The following CPSF4L variants were observed in gnomAD, a reference collection of about 807,000 sequenced individuals.
CPSF4L encodes the protein putative cleavage and polyadenylation specificity factor subunit 4-like protein.
In CPSF4L, 18 loss-of-function variants were observed where a neutral mutation model predicts 24.0. The ratio of observed to expected loss-of-function variants is 0.75; its 90% confidence interval spans 0.52 to 1.11. The LOEUF is 1.11. CPSF4L is among the 50% of genes least tolerant of loss of function. The pLI is 0.00. For synonymous variants in CPSF4L, 72 were observed against 77.2 expected (o/e 0.93, Z 0.35); for missense variants, 211 against 221.8 (o/e 0.95, Z 0.31).
chr17:73,250,361 T>C lies in CPSF4L; in HGVS notation c.498-1825A>G, dbSNP rs77613775. ...TTGTAAATTCAGATTTCTAAAGATG[T>C]CTAGGGAACCATAGGAGATGGTTAG... On this transcript the variant is annotated intron_variant, in intron 5 of 5. Coordinates refer to ENST00000344935, the MANE Select transcript of CPSF4L (RefSeq NM_001129885.1). The C allele has an allele frequency of 1.2e-3, 1,868 of 1,546,484 alleles. 18 individuals carry two copies. The African/African-American group carries it at 0.023, about 19-fold the overall frequency.
At chr17:73,261,531 G>A (rs529272728) in intron 1 of CPSF4L, among the ~76,000 whole-genome samples, 185 bp downstream of exon 1, 2 of 152,298 alleles carry the variant, frequency 1.3e-5, no homozygotes, top group South Asian at 2.1e-4. Context: ...CGTGGTGGCG[G>A]GCGCCTGTAG....
downstream of CPSF4L, among the ~76,000 whole-genome samples, chr17:73,246,195 G>A (rs1260523928): frequency 6.6e-6 from 1 of 152,164 alleles, no homozygotes; most frequent in African/African-American, 2.4e-5. Flanking sequence ...GTGTCCTCAT[G>A]CCAAAATACA....
At chr17:73,248,146 C>G (rs1178533532), downstream of CPSF4L, 1 of 250,132 alleles carries the variant, frequency 4.0e-6, no homozygotes. Flanking sequence ...ATACATTTTT[C>G]GCTCATGTAT....
the CPSF4L span, chr17:73,243,073 C>T: frequency 9.0e-6 from 9 of 996,570 alleles, no homozygotes; most frequent in African/African-American, 1.7e-4. Flanking sequence ...AAGGGATTCT[C>T]TGAATTTTTT....
intron 1 of CPSF4L, 22 bp from the exon 2 acceptor site, chr17:73,261,005 G>C (rs2062042916): frequency 2.6e-6 from 4 of 1,547,216 alleles, no homozygotes; most frequent in Admixed American, 2.0e-5. Flanking sequence ...AGAGGGAACG[G>C]AGAAGGTAGC....
chr17:73,261,944 C>T (rs984155193), upstream of CPSF4L: 7 of 699,724 alleles, frequency 1.0e-5, no homozygotes. Context: ...GTGCCAGTGG[C>T]CAGGTGACTG....
At chr17:73,245,233 C>T (rs370847230), downstream of CPSF4L, 4 of 1,611,138 alleles carry the variant, frequency 2.5e-6, no homozygotes, top group South Asian at 1.1e-5. Context: ...CAGCAAAGGG[C>T]GTACAGTGGA....
At chr17:73,257,314 C>G (rs1281142094) in intron 3 of CPSF4L, among the ~76,000 whole-genome samples, 1 of 152,086 alleles carries the variant, frequency 6.6e-6, no homozygotes, top group South Asian at 2.1e-4. Context: ...GTGAATGTGG[C>G]TCTGAAGGCC....
downstream of CPSF4L, chr17:73,247,200 G>A (rs771583488): frequency 1.1e-5 from 18 of 1,575,352 alleles, 1 homozygote; most frequent in South Asian, 1.9e-4. Flanking sequence ...GAAACCATAT[G>A]CCCTGAAAAG....
chr17:73,248,110 T>TA (rs1371898107), downstream of CPSF4L: 2 of 215,570 alleles, frequency 9.3e-6, no homozygotes, highest in Non-Finnish European at 1.9e-5. Context: ...CAGGGTGCAA[T>TA]ACTGATGTAA....
At position 73,254,169 on chromosome 17, in the gene CPSF4L, G is replaced by C; in HGVS notation, c.308-143C>G. 3 of 661,598 alleles carry C rather than the reference G, an allele frequency of 4.5e-6. No individual in the cohort carries two copies. The South Asian group carries it at 5.4e-5, about 12-fold the overall frequency. The allele number at this position is 661,598 out of a possible 1,614,324, so 41.0% of individuals were successfully genotyped here. ...GTCACCAGCTTTTTGAAGATGGAAA[G>C]TATGCCTAATCCTTGCTGCAGTCTA... On this transcript the variant is annotated intron_variant, in intron 3 of 5. Transcript: ENST00000344935.
At chr17:73,247,711 T>C (rs1268180802), downstream of CPSF4L, 1 of 173,560 alleles carries the variant, frequency 5.8e-6, no homozygotes, top group Non-Finnish European at 1.2e-5. Flanking sequence ...AAGACAGCTT[T>C]TTTGTTTGAC....
intron 5 of CPSF4L, chr17:73,249,665 T>G (rs1435677873): frequency 6.6e-6 from 1 of 152,184 alleles, no homozygotes; most frequent in Non-Finnish European, 1.5e-5. Flanking sequence ...CCCAGTGGAT[T>G]AAGTTGCTTG....
chr17:73,258,860 C>A (rs1437397498), intron 2 of CPSF4L, among the ~76,000 whole-genome samples: 1 of 152,196 alleles, frequency 6.6e-6, no homozygotes, highest in Non-Finnish European at 1.5e-5. Flanking sequence ...GAATTCCCAT[C>A]TTTAAAAACA....
At chr17:73,251,027 C>T (rs953092824) in intron 5 of CPSF4L, 5 of 1,549,724 alleles carry the variant, frequency 3.2e-6, no homozygotes, top group East Asian at 2.4e-5. Context: ...AGAGCAGGCA[C>T]TCTGTTGGGG....
downstream of CPSF4L, among the ~76,000 whole-genome samples, chr17:73,246,165 C>T (rs2061947945): frequency 6.6e-6 from 1 of 152,234 alleles, no homozygotes; most frequent in Non-Finnish European, 1.5e-5. Flanking sequence ...ACACACCCGT[C>T]TGTCTCAGCT....
At chr17:73,261,881 T>A, upstream of CPSF4L, 1 of 1,259,310 alleles carries the variant, frequency 7.9e-7, no homozygotes, top group South Asian at 1.3e-5. Flanking sequence ...CCAATATAGC[T>A]CATCAGAGGC....
chr17:73,263,733 A>G (rs1056212074), upstream of CPSF4L, among the ~76,000 whole-genome samples: 1 of 146,942 alleles, frequency 6.8e-6, no homozygotes, highest in African/African-American at 2.5e-5. Context: ...AGAACTGTAC[A>G]TGGCTCTCTG....
chr17:73,250,165 C>G, intron 5 of CPSF4L: 2 of 1,419,620 alleles, frequency 1.4e-6, no homozygotes, highest in Non-Finnish European at 1.9e-6. Context: ...AGGATGACAG[C>G]AGGCTTACTG....
Sources: allele counts gnomAD v4.1 joint callset (sites outside exome capture counted in the v4.1 genomes callset), GRCh38; gene constraint gnomAD v4.1.1; transcripts MANE v1.5; gene names NCBI Gene and HGNC (gene_info 2026-07-23, HGNC 2026-07-21).